The following C21orf58 variants were observed in gnomAD, a reference collection of about 807,000 sequenced individuals.
C21orf58 encodes uncharacterized protein C21orf58.
In C21orf58, 34 loss-of-function variants were observed where a neutral mutation model predicts 35.8. That is an observed-to-expected ratio of 0.95 (90% CI 0.72 to 1.26). C21orf58 has a LOEUF of 1.26. Ranked by LOEUF, C21orf58 falls within the 50% of genes most tolerant of loss-of-function variation. C21orf58 has a pLI of 0.00. For missense variants in C21orf58, 440 were observed against 414.3 expected, an observed-to-expected ratio of 1.06 and a Z score of -0.54; for synonymous variants, 191 against 175.8, an observed-to-expected ratio of 1.09 and a Z score of -0.68.
intron 1 of C21orf58, chr21:46,318,990 C>A (rs2083073644): frequency 1.8e-5 from 6 of 342,668 alleles, no homozygotes; most frequent in African/African-American, 2.2e-5. Context: ...GAGGTCAGCA[C>A]CCTCCTCGGT....
Position 46,315,147 on chromosome 21 carries a change from T to C in C21orf58, c.445-267A>G, listed in dbSNP as rs950210366. On this transcript the variant is annotated intron_variant, in intron 4 of 7. Coordinates refer to ENST00000291691, the MANE Select transcript of C21orf58 (RefSeq NM_058180.5). ...TTCAAGCCAGTTCCAGGCCTACTTTTTTCTAGGTCTCCCCCTAGAAAAGCG... is the reference window on the plus strand; with the variant it reads ...TTCAAGCCAGTTCCAGGCCTACTTTCTTCTAGGTCTCCCCCTAGAAAAGCG... The C allele has an allele frequency of 5.8e-6, 5 of 858,440 alleles. No homozygotes were observed. The African/African-American group carries it at 8.5e-5, about 15-fold the overall frequency. 53.2% of individuals were successfully genotyped at this position (858,440 alleles called of 1,614,324 possible). A position where few individuals can be genotyped will look rare whatever the true frequency, so the allele number is the denominator to read the frequency against.
At chr21:46,321,466 T>A (rs118063718) in intron 1 of C21orf58, among the ~76,000 whole-genome samples, 3,232 of 152,350 alleles carry the variant, frequency 0.021, 41 homozygotes, top group Middle Eastern at 0.065. Context: ...GTGGTATCCA[T>A]CAGAACACCC....
intron 5 of C21orf58, 123 bp from the exon 6 acceptor site, chr21:46,311,690 TCCAA>T (rs1181867167): frequency 3.2e-4 from 154 of 475,400 alleles, no homozygotes; most frequent in South Asian, 1.7e-3. Context: ...CACCCATCCA[TCCAA>T]CCAACCAACC....
chr21:46,304,906 T>C (rs540570873), intron 6 of C21orf58, among the ~76,000 whole-genome samples: 126 of 152,358 alleles, frequency 8.3e-4, no homozygotes, highest in African/African-American at 2.9e-3. Context: ...TGCTGCAATG[T>C]GGGTGATCCT....
chr21:46,318,092 A>AGAC lies in C21orf58; in HGVS notation c.228_229insGTC (p.Gln76_Ser77insVal), dbSNP rs2146105639. ...AGCATGGTGGGAGCTGCAGGAGACGACTGTAGGGGCAGGGGAGGCCACAGC... is the reference window on the plus strand; with the variant it reads ...AGCATGGTGGGAGCTGCAGGAGACGAGACCTGTAGGGGCAGGGGAGGCCACAGC... On this transcript the variant is annotated inframe_insertion, in exon 2 of 8. Coordinates refer to ENST00000291691, the MANE Select transcript of C21orf58 (RefSeq NM_058180.5). 6.2e-7 allele frequency: 1 copy of AGAC among 1,613,302 alleles called. No homozygotes were observed. Among genetic ancestry groups the AGAC allele is most frequent in the South Asian group, 1.1e-5 (1 of 91,086 alleles).
In C21orf58 at chr21:46,323,776, C is replaced by A. The variant is rs1601720793; in HGVS notation, c.-1038G>T. On this transcript the variant is annotated 5_prime_UTR_variant, in exon 1 of 8. Transcript: ENST00000291691. ...GTCCGGGTGGTTGCTGAGCACCGTTCGGCGCCGCCCGCGCCTGCAGGGAGC... is the reference window on the plus strand; with the variant it reads ...GTCCGGGTGGTTGCTGAGCACCGTTAGGCGCCGCCCGCGCCTGCAGGGAGC... 4 of 294,352 alleles carry A rather than the reference C, an allele frequency of 1.4e-5. No individual in the cohort carries two copies. The East Asian group carries it at 4.3e-4, about 31-fold the overall frequency. The allele number at this position is 294,352 out of a possible 1,614,324, so 18.2% of individuals were successfully genotyped here.
chr21:46,319,946 G>T (rs1480871431), intron 1 of C21orf58, among the ~76,000 whole-genome samples: 2 of 151,906 alleles, frequency 1.3e-5, no homozygotes, highest in Admixed American at 1.3e-4. Context: ...GATAATAAAA[G>T]AACCTGGCTC....
At chr21:46,309,909 T>C (rs936063326) in intron 6 of C21orf58, among the ~76,000 whole-genome samples, 20 of 151,768 alleles carry the variant, frequency 1.3e-4, no homozygotes, top group Admixed American at 2.6e-4. Context: ...AGGCAGAGAA[T>C]TGCTTAAACC....
Position 46,322,756 on chromosome 21 carries a change from G to T in C21orf58, c.-18C>A. 1 of 1,440,868 alleles carries T rather than the reference G, an allele frequency of 6.9e-7. No individual in the cohort carries two copies. The allele number at this position is 1,440,868 out of a possible 1,614,324, so 89.3% of individuals were successfully genotyped here. Reference sequence around the variant, plus strand: ...CGCGCCATTGCGCTATAGCCTGGGCGTCGCAGCGAGACTGTCTCAAAAAAA... The same window carrying T: ...CGCGCCATTGCGCTATAGCCTGGGCTTCGCAGCGAGACTGTCTCAAAAAAA... On this transcript the variant is annotated 5_prime_UTR_variant, in exon 1 of 8. Coordinates refer to ENST00000291691, the MANE Select transcript of C21orf58 (RefSeq NM_058180.5).
chr21:46,317,157 G>C, intron 3 of C21orf58, 51 bp downstream of exon 3: 2 of 1,572,222 alleles, frequency 1.3e-6, no homozygotes, highest in Non-Finnish European at 1.7e-6. Context: ...CCCTGGAGTG[G>C]CTACACTTGC....
At chr21:46,305,917 G>A (rs570426469) in intron 6 of C21orf58, among the ~76,000 whole-genome samples, 22 of 152,146 alleles carry the variant, frequency 1.4e-4, no homozygotes, top group African/African-American at 5.3e-4. Context: ...ACTCCAGCCT[G>A]GCAGACAGCG....
chr21:46,300,890 G>T, downstream of C21orf58: 1 of 950,330 alleles, frequency 1.1e-6, no homozygotes, highest in African/African-American at 1.7e-5. Context: ...AAAAAAAAAA[G>T]TAACAAAAAG....
rs774940962 is a variant in C21orf58, at chr21:46,318,145, G to A, written c.176C>T (p.Ala59Val). The A allele has an allele frequency of 5.0e-6, 8 of 1,612,976 alleles. No individual in the cohort carries two copies. Among genetic ancestry groups the A allele is most frequent in the African/African-American group, 2.7e-5 (2 of 74,920 alleles). The change falls in exon 2 of 8, where the codon GCG becomes GTG. Residue 59 changes from alanine to valine, a missense_variant. Physicochemically the swap from Ala to Val is moderately conservative, Grantham distance 64. Transcript: ENST00000291691. ...ACCTCCCTCCCTGGTTCTGTTACTC[G>A]CAGGAAAGAACTGCTCAGCAGGAGC... ...AWAPAEQFFP[A>V]SNRTREGGGL...
At position 46,303,753 on chromosome 21, in the gene C21orf58, T is replaced by TA. The variant is rs1555925596; in HGVS notation, c.722-1178_722-1177insT. Among the ~76,000 whole-genome samples the TA allele has an allele frequency of 9.8e-5, 4 of 40,832 alleles. 1 individual carries two copies. The highest frequency in any genetic ancestry group is 1.4e-4 in the Non-Finnish European group (3 of 21,458). The allele number at this position is 40,832 out of a possible 152,430, so 26.8% of individuals were successfully genotyped here. ...TATATATATATATATATATTTTTTT[T>TA]TTTTTTTTTTTTTTTGGAGACAGAG... On this transcript the variant is annotated intron_variant, in intron 6 of 7. Transcript: ENST00000291691.
At chr21:46,301,058 T>G (rs1031748292), downstream of C21orf58, 1 of 1,035,658 alleles carries the variant, frequency 9.7e-7, no homozygotes, top group Non-Finnish European at 1.2e-6. Context: ...TGTAGAGATT[T>G]CTGCATTTAT....
chr21:46,323,698 G>A lies in C21orf58; in HGVS notation c.-960C>T, dbSNP rs2083253413. 5.6e-6 allele frequency: 1 copy of A among 177,702 alleles called. No individual in the cohort carries two copies. The highest frequency in any genetic ancestry group is 5.9e-5 in the Admixed American group (1 of 16,930). 11.0% of individuals were successfully genotyped at this position (177,702 alleles called of 1,614,324 possible). A position where few individuals can be genotyped will look rare whatever the true frequency, so the allele number is the denominator to read the frequency against. On this transcript the variant is annotated 5_prime_UTR_variant, in exon 1 of 8. Coordinates refer to ENST00000291691, the MANE Select transcript of C21orf58 (RefSeq NM_058180.5). ...TCCGTGGTAGGCCTCAACTTCCCGC[G>A]GCGGCCCACAGCCAACGACTAATGC...
chr21:46,321,489 TTA>T (rs1278360711), intron 1 of C21orf58, among the ~76,000 whole-genome samples: 3 of 152,204 alleles, frequency 2.0e-5, no homozygotes, highest in Admixed American at 1.3e-4. Flanking sequence ...TTACATTGAG[TTA>T]TGTGTCTTTA....
At chr21:46,322,118 G>A (rs1252771197) in intron 1 of C21orf58, among the ~76,000 whole-genome samples, 1 of 152,020 alleles carries the variant, frequency 6.6e-6, no homozygotes, top group Non-Finnish European at 1.5e-5. Flanking sequence ...GTGAGACCCT[G>A]TGTCTACTAA....
intron 6 of C21orf58, among the ~76,000 whole-genome samples, chr21:46,305,169 GA>G (rs1028453598): frequency 1.1e-4 from 17 of 152,306 alleles, no homozygotes; most frequent in Middle Eastern, 3.4e-3. Flanking sequence ...GCACTGACGG[GA>G]GGGGGTGACG....
Sources: gnomAD v4.1 joint callset for allele counts (sites outside exome capture counted in the v4.1 genomes callset) on GRCh38, gnomAD v4.1.1 for gene constraint, MANE v1.5 for transcripts, NCBI Gene and HGNC (gene_info 2026-07-23, HGNC 2026-07-21) for gene names.